Variants in CYB5D2 observed in about 807,000 individuals in gnomAD.
CYB5D2 encodes the protein neuferricin.
A neutral mutation model predicts 22.8 loss-of-function variants in CYB5D2; 23 were observed. That is an observed-to-expected ratio of 1.01 (90% CI 0.73 to 1.43). The LOEUF (loss-of-function observed/expected upper bound fraction) is 1.43, where lower values mean the gene tolerates loss of function less well. Among genes scored for constraint, CYB5D2 ranks in the 40% most tolerant of loss-of-function variants. The pLI is 0.00. For synonymous variants in CYB5D2, 170 were observed against 152.2 expected (o/e 1.12, Z -0.86); for missense variants, 373 against 357.2 (o/e 1.04, Z -0.36).
At chr17:4,147,630 G>A (rs57405730) in intron 1 of CYB5D2, among the ~76,000 whole-genome samples, 4,665 of 152,222 alleles carry the variant, frequency 0.031, 229 homozygotes, top group African/African-American at 0.11. Flanking sequence ...AAGGTGGGCC[G>A]ATCACCTGAG....
intron 1 of CYB5D2, among the ~76,000 whole-genome samples, chr17:4,148,211 A>T (rs2059013892): frequency 6.6e-6 from 1 of 150,388 alleles, no homozygotes; most frequent in Admixed American, 6.6e-5. Flanking sequence ...GATGTGAGGG[A>T]TGAAGGAAGT....
At chr17:4,146,012 C>G (rs527728844) in intron 1 of CYB5D2, among the ~76,000 whole-genome samples, 1 of 151,300 alleles carries the variant, frequency 6.6e-6, no homozygotes, top group African/African-American at 2.4e-5. Context: ...TTGGCCAGGC[C>G]GGTCTTGAAC....
intron 1 of CYB5D2, among the ~76,000 whole-genome samples, chr17:4,145,282 G>C (rs1233349930): frequency 6.6e-6 from 1 of 152,166 alleles, no homozygotes; most frequent in Non-Finnish European, 1.5e-5. Flanking sequence ...ACTTCCCTCT[G>C]TCTAGGAAGT....
In CYB5D2 at chr17:4,156,842, AGTCCTCTTTCC is replaced by A; in HGVS notation, c.579-20_579-10del. On this transcript the variant is annotated splice_polypyrimidine_tract_variant and intron_variant, in intron 3 of 3. Transcript: ENST00000301391. ...GACTCATGAGTTCTCACATTTAAGA[AGTCCTCTTTCC>A]GTCTATCCTTAGTGGAGGTGTGAGC... The A allele has an allele frequency of 1.2e-6, 2 of 1,611,518 alleles. No individual in the cohort carries two copies.
intron 1 of CYB5D2, among the ~76,000 whole-genome samples, chr17:4,146,547 C>G (rs974203543): frequency 1.3e-5 from 2 of 152,080 alleles, no homozygotes; most frequent in Middle Eastern, 3.2e-3. Flanking sequence ...TCCACCACCA[C>G]ACCTGGCTAA....
In CYB5D2 at chr17:4,154,694, T is replaced by C; in HGVS notation, c.412T>C (p.Tyr138His). 6.2e-7 allele frequency: 1 copy of C among 1,614,154 alleles called. No individual in the cohort carries two copies. Among genetic ancestry groups the C allele is most frequent in the South Asian group, 1.1e-5 (1 of 91,086 alleles). The change falls in exon 3 of 4, where the codon TAC becomes CAC. Residue 138 changes from tyrosine to histidine, a missense_variant. By Grantham distance (83) the Tyr-to-His change is moderately conservative. Coordinates refer to ENST00000301391, the MANE Select transcript of CYB5D2 (RefSeq NM_144611.4). ...CACAGGGAGGGTGACAGGACGGTTC[T>C]ACGGAGAGGATGGGCTGCCCACCCC... ...VCVGRVTGRF[Y>H]GEDGLPTPAL...
Position 4,143,419 on chromosome 17 carries a change from G to A in CYB5D2, c.-337G>A, listed in dbSNP as rs2058912595. 3 of 200,340 alleles carry A rather than the reference G, an allele frequency of 1.5e-5. No individual in the cohort carries two copies. The highest frequency in any genetic ancestry group is 1.4e-4 in the East Asian group (1 of 7,102). 12.4% of individuals were successfully genotyped at this position (200,340 alleles called of 1,614,324 possible). A position where few individuals can be genotyped will look rare whatever the true frequency, so the allele number is the denominator to read the frequency against. ...CGCGTGCCTGTAATCCCAGCTACTT[G>A]GGAGGCTGAGGCAGGAGAATCGCTT... On this transcript the variant is annotated 5_prime_UTR_variant, in exon 1 of 4. Transcript: ENST00000301391.
intron 3 of CYB5D2, among the ~76,000 whole-genome samples, chr17:4,155,853 C>T (rs1226779544): frequency 6.6e-6 from 1 of 152,268 alleles, no homozygotes; most frequent in Admixed American, 6.5e-5. Flanking sequence ...GTAGTTCAGG[C>T]TCTGCCTTCC....
At chr17:4,150,160 C>A in intron 2 of CYB5D2, 129 bp downstream of exon 2, 2 of 1,257,322 alleles carry the variant, frequency 1.6e-6, no homozygotes, top group Non-Finnish European at 2.3e-6. Context: ...ACTTTAAATT[C>A]TGGTCGTTAG....
chr17:4,154,902 T>G, intron 3 of CYB5D2, 42 bp downstream of exon 3: 1 of 1,577,540 alleles, frequency 6.3e-7, no homozygotes, highest in Non-Finnish European at 8.6e-7. Context: ...CTGTCCCAAA[T>G]CCAACTCCTA....
chr17:4,156,186 CCT>C (rs1199360021), intron 3 of CYB5D2, among the ~76,000 whole-genome samples: 1 of 152,252 alleles, frequency 6.6e-6, no homozygotes, highest in East Asian at 1.9e-4. Context: ...TCTTGCAAGG[CCT>C]CTGAGTCCAT....
chr17:4,151,407 A>G (rs887050952), intron 2 of CYB5D2, among the ~76,000 whole-genome samples: 2 of 152,348 alleles, frequency 1.3e-5, no homozygotes, highest in Non-Finnish European at 2.9e-5. Flanking sequence ...AATAAGAGCC[A>G]GGAGTGGTCT....
chr17:4,145,011 C>T (rs941774602), intron 1 of CYB5D2, among the ~76,000 whole-genome samples: 2 of 152,144 alleles, frequency 1.3e-5, no homozygotes, highest in African/African-American at 2.4e-5. Context: ...TGGTCTCGAT[C>T]TCCTGACCTT....
chr17:4,152,361 G>GGATA (rs1178883322), intron 2 of CYB5D2, among the ~76,000 whole-genome samples: 3 of 152,198 alleles, frequency 2.0e-5, no homozygotes, highest in African/African-American at 7.2e-5. Context: ...GAAACCCTCA[G>GGATA]GATACATCAG....
chr17:4,150,049 C>A lies in CYB5D2; in HGVS notation c.391+18C>A. 6.2e-7 allele frequency: 1 copy of A among 1,613,064 alleles called. No homozygotes were observed. The highest frequency in any genetic ancestry group is 1.1e-5 in the South Asian group (1 of 90,966). ...GTGTGTTGGTAAGTCGTCCATAGGT[C>A]ATACATTTCATTTGGTTGTCTGCAG... On this transcript the variant is annotated intron_variant, in intron 2 of 3. Coordinates refer to ENST00000301391, the MANE Select transcript of CYB5D2 (RefSeq NM_144611.4).
intron 3 of CYB5D2, among the ~76,000 whole-genome samples, chr17:4,155,487 A>G (rs1274443673): frequency 1.3e-5 from 2 of 152,222 alleles, no homozygotes; most frequent in Non-Finnish European, 2.9e-5. Context: ...CGGAGTTCTC[A>G]GCCTTAAATG....
chr17:4,154,570 C>G, intron 2 of CYB5D2, 104 bp from the exon 3 acceptor site: 1 of 1,343,920 alleles, frequency 7.4e-7, no homozygotes, highest in Admixed American at 2.5e-5. Context: ...TAAACGCGCA[C>G]CAGCAGGACT....
At chr17:4,149,346 G>A (rs1458580901) in intron 1 of CYB5D2, among the ~76,000 whole-genome samples, 1 of 152,180 alleles carries the variant, frequency 6.6e-6, no homozygotes, top group Non-Finnish European at 1.5e-5. Flanking sequence ...TCAGGCCAAG[G>A]GAAGTGGTCA....
chr17:4,153,616 A>C (rs2142994819), intron 2 of CYB5D2, among the ~76,000 whole-genome samples: 1 of 152,328 alleles, frequency 6.6e-6, no homozygotes, highest in South Asian at 2.1e-4. Context: ...TGAGCTGACC[A>C]GAGAGCAGTT....
Sources: allele counts gnomAD v4.1 joint callset (sites outside exome capture counted in the v4.1 genomes callset), GRCh38; gene constraint gnomAD v4.1.1; transcripts MANE v1.5; gene names NCBI Gene and HGNC (gene_info 2026-07-23, HGNC 2026-07-21).